PDE4D: variants seen among roughly 807,000 people sequenced by gnomAD.
PDE4D encodes the protein phosphodiesterase 4D.
PDE4D carries 24 observed loss-of-function variants against 87.4 expected under a neutral mutation model. The observed-to-expected ratio is 0.27, with a 90% CI of 0.20 to 0.39. The LOEUF (loss-of-function observed/expected upper bound fraction) is 0.39, where lower values mean the gene tolerates loss of function less well. Among genes scored for constraint, PDE4D ranks in the 10% least tolerant of loss-of-function variants. PDE4D has a pLI of 1.00. For missense variants in PDE4D, 714 were observed against 1,041.0 expected, an observed-to-expected ratio of 0.69 and a Z score of 4.32; for synonymous variants, 384 against 383.2, an observed-to-expected ratio of 1.00 and a Z score of -0.02.
intron 1 of PDE4D, among the ~76,000 whole-genome samples, chr5:59,846,898 C>T (rs1319390536): frequency 6.6e-6 from 1 of 151,944 alleles, no homozygotes; most frequent in Non-Finnish European, 1.5e-5. Flanking sequence ...TGTGTAAACT[C>T]CCTCGATTTT....
At chr5:59,020,109 G>T (rs1285312537) in intron 6 of PDE4D, among the ~76,000 whole-genome samples, 1 of 152,122 alleles carries the variant, frequency 6.6e-6, no homozygotes, top group Non-Finnish European at 1.5e-5. Context: ...ATTAGTACCA[G>T]ATCTAGAGAA....
chr5:59,008,310 C>G (rs1245007507), intron 6 of PDE4D, among the ~76,000 whole-genome samples: 1 of 152,006 alleles, frequency 6.6e-6, no homozygotes, highest in Non-Finnish European at 1.5e-5. Flanking sequence ...AATGTCCCCT[C>G]TGTACTTCGT....
At chr5:59,336,326 T>G (rs1278967602) in intron 1 of PDE4D, among the ~76,000 whole-genome samples, 1 of 152,258 alleles carries the variant, frequency 6.6e-6, no homozygotes, top group Non-Finnish European at 1.5e-5. Flanking sequence ...GAAAAAATTT[T>G]GTACTTTCCT....
At chr5:60,257,649 T>A (rs1169525277) in intron 1 of PDE4D, among the ~76,000 whole-genome samples, 4 of 151,894 alleles carry the variant, frequency 2.6e-5, no homozygotes, top group Non-Finnish European at 4.4e-5. Context: ...AGAGGTGAAG[T>A]CATGCTAGAG....
At chr5:59,958,255 G>C (rs1427895034) in intron 3 of PDE4D, among the ~76,000 whole-genome samples, 1 of 152,036 alleles carries the variant, frequency 6.6e-6, no homozygotes. Flanking sequence ...TTTACATATA[G>C]GATTTTATTT....
intron 1 of PDE4D, among the ~76,000 whole-genome samples, chr5:59,639,679 T>A (rs895619890): frequency 1.3e-5 from 2 of 152,130 alleles, no homozygotes; most frequent in Admixed American, 6.5e-5. Flanking sequence ...GTAGAAATGG[T>A]CAATGGGCAG....
At chr5:59,013,622 A>G (rs916189962) in intron 6 of PDE4D, among the ~76,000 whole-genome samples, 1 of 152,190 alleles carries the variant, frequency 6.6e-6, no homozygotes, top group Non-Finnish European at 1.5e-5. Context: ...GAATAGACCA[A>G]TAACAGGTTC....
chr5:59,211,112 T>G (rs1749978823), intron 2 of PDE4D, among the ~76,000 whole-genome samples: 1 of 152,222 alleles, frequency 6.6e-6, no homozygotes, highest in African/African-American at 2.4e-5. Context: ...CAGCCTTTTG[T>G]TATCTAGTTG....
At chr5:59,244,408 A>G (rs918839506) in intron 1 of PDE4D, among the ~76,000 whole-genome samples, 1 of 149,246 alleles carries the variant, frequency 6.7e-6, no homozygotes, top group African/African-American at 2.5e-5. Flanking sequence ...AAAATAATAA[A>G]TAAAAATTTT....
At chr5:60,308,906 C>A (rs1214777812) in intron 1 of PDE4D, among the ~76,000 whole-genome samples, 1 of 152,066 alleles carries the variant, frequency 6.6e-6, no homozygotes, top group Non-Finnish European at 1.5e-5. Flanking sequence ...TCCTACTCTG[C>A]CTCTCAGTGA....
chr5:59,324,534 T>C (rs938130622), intron 1 of PDE4D, among the ~76,000 whole-genome samples: 1 of 152,108 alleles, frequency 6.6e-6, no homozygotes, highest in South Asian at 2.1e-4. Context: ...CATCTGGAAA[T>C]GATTTTTTTT....
intron 3 of PDE4D, among the ~76,000 whole-genome samples, chr5:59,964,768 T>C (rs1197725059): frequency 6.6e-6 from 1 of 152,136 alleles, no homozygotes; most frequent in Non-Finnish European, 1.5e-5. Context: ...GTAGCCACAG[T>C]CATCTTTTTT....
intron 1 of PDE4D, among the ~76,000 whole-genome samples, chr5:60,333,515 T>C (rs1460600934): frequency 6.6e-6 from 1 of 152,200 alleles, no homozygotes; most frequent in Non-Finnish European, 1.5e-5. Flanking sequence ...ATAAGGACGA[T>C]GAACAAGCCC....
At chr5:59,011,548 G>A (rs1003582814) in intron 6 of PDE4D, among the ~76,000 whole-genome samples, 1 of 152,064 alleles carries the variant, frequency 6.6e-6, no homozygotes, top group Non-Finnish European at 1.5e-5. Flanking sequence ...GGGTATCAGT[G>A]ATTGAAGATG....
At chr5:59,386,598 T>C (rs1787059668) in intron 1 of PDE4D, among the ~76,000 whole-genome samples, 1 of 150,908 alleles carries the variant, frequency 6.6e-6, no homozygotes, top group African/African-American at 2.4e-5. Context: ...GGAGGATAGC[T>C]TGAGCCCAGG....
intron 1 of PDE4D, among the ~76,000 whole-genome samples, chr5:59,539,962 A>C (rs1816013131): frequency 6.6e-6 from 1 of 152,184 alleles, no homozygotes; most frequent in Non-Finnish European, 1.5e-5. Context: ...TATTCTTTGC[A>C]CCAGTGGATC....
rs185705005 is a variant in PDE4D at position 59,390,679 on chromosome 5, C to T, written c.456-174711G>A. Among the ~76,000 whole-genome samples the T allele has an allele frequency of 5.3e-5, 8 of 152,106 alleles. No individual in the cohort carries two copies. The East Asian group carries it at 1.5e-3, about 29-fold the overall frequency. ...ACATCGGTTCAGTTAGGTAAAAGAC[C>T]TTATAAGTTGTTGTGACTTATGAAG... is the stretch of plus-strand genomic sequence containing the variant. On this transcript the variant is annotated intron_variant, in intron 1 of 14. Transcript: ENST00000340635.
At chr5:60,102,824 G>A (rs1776368809) in intron 2 of PDE4D, among the ~76,000 whole-genome samples, 2 of 151,962 alleles carry the variant, frequency 1.3e-5, no homozygotes, top group African/African-American at 4.8e-5. Flanking sequence ...TTTCTCTTCT[G>A]GCCATGACCA....
intron 1 of PDE4D, among the ~76,000 whole-genome samples, chr5:59,566,348 C>T (rs962176183): frequency 1.3e-5 from 2 of 152,098 alleles, no homozygotes; most frequent in African/African-American, 4.8e-5. Context: ...GTTCATTCAC[C>T]ACATAAGGTT....
Sources: allele counts gnomAD v4.1 joint callset (sites outside exome capture counted in the v4.1 genomes callset), GRCh38; gene constraint gnomAD v4.1.1; transcripts MANE v1.5; gene names NCBI Gene and HGNC (gene_info 2026-07-23, HGNC 2026-07-21).